Variants in PCDHGB3 observed in about 807,000 individuals in gnomAD.
The protein encoded by PCDHGB3 is protocadherin gamma-B3.
In PCDHGB3, 40 loss-of-function variants were observed where a neutral mutation model predicts 59.2. That is an observed-to-expected ratio of 0.68 (90% CI 0.52 to 0.88). PCDHGB3 has a LOEUF of 0.88. Among genes scored for constraint, PCDHGB3 ranks in the 40% least tolerant of loss-of-function variants. The pLI, the probability that PCDHGB3 is intolerant of heterozygous loss-of-function variation, is 0.00. For synonymous variants in PCDHGB3, 581 were observed against 503.6 expected (o/e 1.15, Z -2.06); for missense variants, 1,309 against 1,187.9 (o/e 1.10, Z -1.50).
At chr5:141,398,565 A>C in intron 1 of PCDHGB3, 1 of 1,614,040 alleles carries the variant, frequency 6.2e-7, no homozygotes, top group Non-Finnish European at 8.5e-7. Context: ...GTGAGTCTGC[A>C]CAGCCTGGCA....
chr5:141,409,262 G>C (rs768196825), intron 1 of PCDHGB3: 1 of 1,613,952 alleles, frequency 6.2e-7, no homozygotes, highest in Admixed American at 1.7e-5. Flanking sequence ...TTCTCTCTCT[G>C]ATCAGATTTT....
intron 1 of PCDHGB3, chr5:141,423,216 G>A (rs376530221): frequency 1.2e-6 from 2 of 1,613,632 alleles, no homozygotes; most frequent in African/African-American, 2.7e-5. Flanking sequence ...CGCTCACCGT[G>A]GCTGTGGCCG....
Position 141,371,972 on chromosome 5 carries a change from T to A in PCDHGB3, c.1578T>A (p.Arg526=). ...AQRAFDHEQL[R]AFELTLQARD... is the part of the protein sequence containing the mutation. Reference sequence around the variant, plus strand: ...GAGCCTTCGACCACGAGCAGCTGCGTGCCTTCGAGCTCACTCTGCAGGCCC... The same window carrying A: ...GAGCCTTCGACCACGAGCAGCTGCGAGCCTTCGAGCTCACTCTGCAGGCCC... Residue 526 remains arginine (R), a synonymous_variant, in exon 1 of 4, where the codon CGT becomes CGA. Transcript: ENST00000576222. 1 of 1,613,166 alleles carries A rather than the reference T, an allele frequency of 6.2e-7. No individual in the cohort carries two copies. The highest frequency in any genetic ancestry group is 8.5e-7 in the Non-Finnish European group (1 of 1,179,790).
chr5:141,388,919 G>T, intron 1 of PCDHGB3: 1 of 1,613,998 alleles, frequency 6.2e-7, no homozygotes. Flanking sequence ...CCCCAGAAGT[G>T]ATATTCCAGT....
At chr5:141,510,158 A>G (rs1406170246) in intron 3 of PCDHGB3, among the ~76,000 whole-genome samples, 1 of 152,018 alleles carries the variant, frequency 6.6e-6, no homozygotes, top group African/African-American at 2.4e-5. Flanking sequence ...CTGTAATCTC[A>G]GCTACTCAGG....
Position 141,432,046 on chromosome 5 carries a change from C to G in PCDHGB3, c.2415+59237C>G, listed in dbSNP as rs1389286417. The G allele has an allele frequency of 6.2e-7, 1 of 1,614,224 alleles. No individual in the cohort carries two copies. The highest frequency in any genetic ancestry group is 2.2e-5 in the East Asian group (1 of 44,886). The stretch of plus-strand genomic sequence containing the variant: ...CAGTGACCGCCACTGACCGGGGAAC[C>G]CCGCCCCTATCCACGGAAACTCATA... On this transcript the variant is annotated intron_variant, in intron 1 of 3. Coordinates refer to ENST00000576222, the MANE Select transcript of PCDHGB3 (RefSeq NM_018924.5). This position sits in a 1 kb window ranked among gnomAD's most constrained non-coding sequence, Gnocchi z 6.0.
intron 1 of PCDHGB3, chr5:141,411,396 C>G (rs985023346): frequency 2.1e-5 from 3 of 145,420 alleles, no homozygotes; most frequent in African/African-American, 5.1e-5. Context: ...ATAGGGAGAC[C>G]CCCCATCTCT....
chr5:141,484,000 G>C (rs1425172275), intron 1 of PCDHGB3, among the ~76,000 whole-genome samples: 1 of 147,812 alleles, frequency 6.8e-6, no homozygotes, highest in Admixed American at 6.8e-5. Context: ...TGGGAGGTCT[G>C]GATGAGGGTG....
chr5:141,424,391 C>T (rs2096818270), intron 1 of PCDHGB3: 1 of 152,106 alleles, frequency 6.6e-6, no homozygotes, highest in South Asian at 2.1e-4. Flanking sequence ...GATGTCTTTT[C>T]CATTACTATG....
At chr5:141,492,778 G>A (rs2099743821) in intron 1 of PCDHGB3, among the ~76,000 whole-genome samples, 1 of 152,250 alleles carries the variant, frequency 6.6e-6, no homozygotes, top group South Asian at 2.1e-4. Context: ...GAGTGAGTGA[G>A]CCTCTATAGG....
intron 2 of PCDHGB3, among the ~76,000 whole-genome samples, chr5:141,503,132 CCT>C (rs1388312522): frequency 6.6e-6 from 1 of 151,994 alleles, no homozygotes; most frequent in Non-Finnish European, 1.5e-5. Flanking sequence ...TCTGGTAGCC[CCT>C]GACACAGCCC....
At position 141,477,386 on chromosome 5, in the gene PCDHGB3, A is replaced by C; in HGVS notation, c.2416-17421A>C. 1 of 1,614,116 alleles carries C rather than the reference A, an allele frequency of 6.2e-7. No homozygotes were observed. Among genetic ancestry groups the C allele is most frequent in the South Asian group, 1.1e-5 (1 of 91,080 alleles). On this transcript the variant is annotated intron_variant, in intron 1 of 3. Coordinates refer to ENST00000576222, the MANE Select transcript of PCDHGB3 (RefSeq NM_018924.5). The surrounding 1 kb of genome is among the most constrained non-coding windows in gnomAD (Gnocchi z 4.9). ...GGATCGGGAGACTGTGCCAGAATAC[A>C]ACCTCAGCATCACCGCCCGAGACGC...
Position 141,476,263 on chromosome 5 carries a change from C to G in PCDHGB3, c.2416-18544C>G. 13 of 1,613,940 alleles carry G rather than the reference C, an allele frequency of 8.1e-6. No individual in the cohort carries two copies. Among genetic ancestry groups the G allele is most frequent in the Non-Finnish European group, 1.1e-5 (13 of 1,180,010 alleles). On this transcript the variant is annotated intron_variant, in intron 1 of 3. Transcript: ENST00000576222. This position sits in a 1 kb window ranked among gnomAD's most constrained non-coding sequence, Gnocchi z 7.6. ...GAGAGAAGGGTTTCGCTGTGGGCAA[C>G]GTGGTCGCGAACCTTGGTTTGGATC...
At chr5:141,402,597 T>G (rs1268830791) in intron 1 of PCDHGB3, among the ~76,000 whole-genome samples, 1 of 152,254 alleles carries the variant, frequency 6.6e-6, no homozygotes, top group African/African-American at 2.4e-5. Context: ...TAGATTGCTT[T>G]TGAAATACAA....
intron 1 of PCDHGB3, among the ~76,000 whole-genome samples, chr5:141,450,826 A>T (rs965147554): frequency 1.9e-4 from 26 of 134,356 alleles, no homozygotes; most frequent in East Asian, 6.4e-4. Context: ...TATTATTATT[A>T]TTATTTTTTT....
chr5:141,444,762 T>A (rs767523211), intron 1 of PCDHGB3, among the ~76,000 whole-genome samples: 2 of 152,248 alleles, frequency 1.3e-5, no homozygotes, highest in Non-Finnish European at 2.9e-5. Flanking sequence ...TAGTTCTATT[T>A]CTATATTCTT....
chr5:141,511,147 A>T lies in PCDHGB3; in HGVS notation c.2764A>T (p.Lys922Ter). The change falls in exon 4 of 4, where the codon AAG becomes TAG. Residue 922 changes from lysine to a stop codon, truncating the protein, a stop_gained. Coordinates refer to ENST00000576222, the MANE Select transcript of PCDHGB3 (RefSeq NM_018924.5). LOFTEE classifies it high-confidence loss of function. Reference sequence around the variant, plus strand: ...AGCAGGTGGCAATGGCAACAAGAAGAAGTCGGGCAAGAAGGAGAAGAAGTA... The same window carrying T: ...AGCAGGTGGCAATGGCAACAAGAAGTAGTCGGGCAAGAAGGAGAAGAAGTA... The part of the protein sequence containing the change: ...APAGGNGNKK[K>*]SGKKEKK 1 of 1,614,188 alleles carries T rather than the reference A, an allele frequency of 6.2e-7. No homozygotes were observed. Among genetic ancestry groups the T allele is most frequent in the East Asian group, 2.2e-5 (1 of 44,876 alleles).
intron 1 of PCDHGB3, among the ~76,000 whole-genome samples, chr5:141,434,245 T>G (rs921135977): frequency 3.3e-5 from 5 of 152,224 alleles, no homozygotes; most frequent in African/African-American, 1.2e-4. Context: ...CTAGATGACT[T>G]GGGCATTGTG....
At chr5:141,375,214 C>T (rs750367246) in intron 1 of PCDHGB3, 2 of 1,613,928 alleles carry the variant, frequency 1.2e-6, no homozygotes, top group Non-Finnish European at 1.7e-6. Context: ...GAGACTCTGG[C>T]CTGAATGGCC....
Sources: allele counts gnomAD v4.1 joint callset (sites outside exome capture counted in the v4.1 genomes callset), GRCh38; gene constraint gnomAD v4.1.1; non-coding constraint Gnocchi (gnomAD v3.1); transcripts MANE v1.5; gene names NCBI Gene and HGNC (gene_info 2026-07-23, HGNC 2026-07-21).